The following VPS13C variants were observed in gnomAD, a reference collection of about 807,000 sequenced individuals.
The protein encoded by VPS13C is intermembrane lipid transfer protein VPS13C.
A neutral mutation model predicts 456.8 loss-of-function variants in VPS13C; 358 were observed. The ratio of observed to expected loss-of-function variants is 0.78; its 90% CI spans 0.72 to 0.86. The LOEUF (loss-of-function observed/expected upper bound fraction) is 0.86. Among genes scored for constraint, VPS13C ranks in the 40% least tolerant of loss-of-function variants. VPS13C has a pLI of 0.00. For missense variants in VPS13C, 4,818 were observed against 4,385.4 expected, an observed-to-expected ratio of 1.10 and a Z score of -2.79; for synonymous variants, 1,578 against 1,486.7, an observed-to-expected ratio of 1.06 and a Z score of -1.41.
rs1178866621 is a variant in VPS13C, at chr15:61,921,995, T to G, written c.7014A>C (p.Pro2338=). The G allele has an allele frequency of 6.2e-7, 1 of 1,613,708 alleles. No homozygotes were observed. The highest frequency in any genetic ancestry group is 1.7e-5 in the Admixed American group (1 of 60,018). ...TCTTCCCCTCCACTCTCTCAATCAGTGGCTCCCAGACAGCATGGATCTCAT... is the reference window on the plus strand; with the variant it reads ...TCTTCCCCTCCACTCTCTCAATCAGGGGCTCCCAGACAGCATGGATCTCAT... The part of the protein sequence containing the change: ...YYNEIHAVWE[P]LIERVEGKRQ... Residue 2338 remains proline, a synonymous_variant, in exon 55 of 85, where the codon CCA becomes CCC. Transcript: ENST00000644861.
chr15:61,950,121 T>A (rs1459193686), intron 41 of VPS13C, among the ~76,000 whole-genome samples: 1 of 152,240 alleles, frequency 6.6e-6, no homozygotes, highest in Non-Finnish European at 1.5e-5. Context: ...ATTATTCACA[T>A]ACTTGTCAAG....
At chr15:61,942,221 A>G (rs2044452138) in intron 45 of VPS13C, among the ~76,000 whole-genome samples, 154 bp from the exon 46 acceptor site, 2 of 151,998 alleles carry the variant, frequency 1.3e-5, no homozygotes, top group South Asian at 4.1e-4. Context: ...CTAGAAACAT[A>G]CACTCTGAGC....
intron 45 of VPS13C, among the ~76,000 whole-genome samples, chr15:61,942,857 C>T (rs1194363900): frequency 6.6e-6 from 1 of 152,022 alleles, no homozygotes; most frequent in Non-Finnish European, 1.5e-5. Flanking sequence ...AGATTCTGCA[C>T]ATGGGAAACC....
intron 22 of VPS13C, among the ~76,000 whole-genome samples, 156 bp from the exon 23 acceptor site, chr15:61,978,905 AT>A (rs1369535270): frequency 6.6e-6 from 1 of 152,228 alleles, no homozygotes; most frequent in Non-Finnish European, 1.5e-5. Flanking sequence ...TTTTCAGATA[AT>A]TATTTGTAAA....
intron 79 of VPS13C, among the ~76,000 whole-genome samples, chr15:61,871,729 A>G (rs1238979531): frequency 2.6e-5 from 4 of 152,166 alleles, no homozygotes; most frequent in Non-Finnish European, 5.9e-5. Flanking sequence ...AAAACTGAGT[A>G]AATTGCTACT....
At chr15:62,036,771 A>C (rs2048013125) in intron 3 of VPS13C, among the ~76,000 whole-genome samples, 2 of 151,986 alleles carry the variant, frequency 1.3e-5, no homozygotes, top group Non-Finnish European at 2.9e-5. Context: ...TCTCTCAGAA[A>C]GGTCCTAGAA....
chr15:61,865,082 G>C lies in VPS13C; in HGVS notation c.10864-1554C>G, dbSNP rs1278400881. 5.1e-6 allele frequency: 5 copies of C among 984,762 alleles called. No homozygotes were observed. In the Admixed American group the frequency reaches 3.1e-4, roughly 61 times the overall value. 61.0% of individuals were successfully genotyped at this position (984,762 alleles called of 1,614,324 possible). Reference sequence around the variant, plus strand: ...AAAACCCACTACACTCTGAGATTCAGATTAAGATATTCAGTCACTAATGGC... The same window carrying C: ...AAAACCCACTACACTCTGAGATTCACATTAAGATATTCAGTCACTAATGGC... On this transcript the variant is annotated intron_variant, in intron 81 of 84. Transcript: ENST00000644861.
At chr15:61,985,249 T>G (rs2046009838) in intron 18 of VPS13C, among the ~76,000 whole-genome samples, 2 of 152,284 alleles carry the variant, frequency 1.3e-5, no homozygotes, top group African/African-American at 4.8e-5. Context: ...AATTCATTTC[T>G]CTTAAGTTTT....
chr15:61,967,354 TCTA>T lies in VPS13C; in HGVS notation c.2991+11_2991+13del. ...GAGTAAACAATAAATATATAATCAT[TCTA>T]TAGCCCTTACCTTAATATACTCCAC... On this transcript the variant is annotated intron_variant, in intron 29 of 84. Coordinates refer to ENST00000644861, the MANE Select transcript of VPS13C (RefSeq NM_020821.3). 1 of 1,588,376 alleles carries T rather than the reference TCTA, an allele frequency of 6.3e-7. No individual in the cohort carries two copies. Among genetic ancestry groups the T allele is most frequent in the South Asian group, 1.1e-5 (1 of 88,164 alleles).
intron 77 of VPS13C, among the ~76,000 whole-genome samples, chr15:61,874,106 T>C (rs1007156471): frequency 4.6e-5 from 7 of 151,994 alleles, no homozygotes. Context: ...CATGTTCTCA[T>C]TCACATCTGA....
chr15:62,048,386 G>A (rs2048500382), intron 1 of VPS13C, among the ~76,000 whole-genome samples: 1 of 151,058 alleles, frequency 6.6e-6, no homozygotes. Flanking sequence ...AGTTTACTGA[G>A]AATGATGGTT....
intron 16 of VPS13C, 45 bp from the exon 17 acceptor site, chr15:61,991,847 C>G: frequency 6.4e-7 from 1 of 1,565,412 alleles, no homozygotes; most frequent in Non-Finnish European, 8.6e-7. Context: ...ATGTTGCCCT[C>G]TTCATTTTCA....
chr15:61,996,080 G>A (rs761236479), intron 16 of VPS13C, among the ~76,000 whole-genome samples: 1 of 152,178 alleles, frequency 6.6e-6, no homozygotes, highest in Non-Finnish European at 1.5e-5. Flanking sequence ...CCCTGGCAGG[G>A]AAAGAGCTGG....
chr15:61,990,433 A>T (rs1420283310), intron 18 of VPS13C, among the ~76,000 whole-genome samples: 2 of 152,138 alleles, frequency 1.3e-5, no homozygotes, highest in Non-Finnish European at 2.9e-5. Flanking sequence ...AAAATTTTTA[A>T]GATAAAATTT....
In VPS13C at chr15:62,060,431, G is replaced by A; in HGVS notation, c.-57C>T. 1 of 886,560 alleles carries A rather than the reference G, an allele frequency of 1.1e-6. No homozygotes were observed. The highest frequency in any genetic ancestry group is 1.8e-6 in the Non-Finnish European group (1 of 568,412). The allele number at this position is 886,560 out of a possible 1,614,324, so 54.9% of individuals were successfully genotyped here. On this transcript the variant is annotated 5_prime_UTR_variant, in exon 1 of 85. Coordinates refer to ENST00000644861, the MANE Select transcript of VPS13C (RefSeq NM_020821.3). Reference sequence around the variant, plus strand: ...CCGGAACCGCCCGGCGCAGCTGAGGGCTGCGACCAGCGCTGCAAATGACAG... The same window carrying A: ...CCGGAACCGCCCGGCGCAGCTGAGGACTGCGACCAGCGCTGCAAATGACAG...
Position 61,869,643 on chromosome 15 carries a change from A to C in VPS13C, c.10625-20T>G, listed in dbSNP as rs1477655638. ...TGGCACCTTCAGAAAACCAATGACCATGAATGGATAAAGATATTTTTAAAT... is the reference window on the plus strand; with the variant it reads ...TGGCACCTTCAGAAAACCAATGACCCTGAATGGATAAAGATATTTTTAAAT... On this transcript the variant is annotated intron_variant, in intron 79 of 84. Coordinates refer to ENST00000644861, the MANE Select transcript of VPS13C (RefSeq NM_020821.3). 6.2e-7 allele frequency: 1 copy of C among 1,613,726 alleles called. No individual in the cohort carries two copies. The highest frequency in any genetic ancestry group is 1.7e-5 in the Admixed American group (1 of 59,930).
At chr15:61,912,529 G>C (rs1016755021) in intron 62 of VPS13C, among the ~76,000 whole-genome samples, 4 of 148,260 alleles carry the variant, frequency 2.7e-5, no homozygotes, top group South Asian at 2.1e-4. Context: ...CCTAAACTTA[G>C]ACAAATTCAG....
intron 47 of VPS13C, among the ~76,000 whole-genome samples, chr15:61,939,348 A>C (rs1171356346): frequency 6.6e-6 from 1 of 152,202 alleles, no homozygotes; most frequent in Non-Finnish European, 1.5e-5. Context: ...AAAATTTAAT[A>C]ATTGTTCTTC....
At chr15:62,011,956 A>T in intron 12 of VPS13C, 151 bp downstream of exon 12, 1 of 505,776 alleles carries the variant, frequency 2.0e-6, no homozygotes, top group Non-Finnish European at 3.6e-6. Flanking sequence ...CCTAAATAAT[A>T]AGTTATAACC....
Sources: allele counts gnomAD v4.1 joint callset (sites outside exome capture counted in the v4.1 genomes callset), GRCh38; gene constraint gnomAD v4.1.1; transcripts MANE v1.5; gene names NCBI Gene and HGNC (gene_info 2026-07-23, HGNC 2026-07-21).